POLA1: variants seen among roughly 807,000 people sequenced by gnomAD.
POLA1 encodes the protein DNA polymerase alpha catalytic subunit.
Under a neutral mutation model 124.0 loss-of-function variants are expected in POLA1, and 15 were observed. The observed-to-expected ratio is 0.12, with a 90% CI of 0.08 to 0.19. The LOEUF is 0.19. Among genes scored for constraint, POLA1 ranks in the 10% least tolerant of loss-of-function variants. The pLI is 1.00. For synonymous variants in POLA1, 408 were observed against 389.4 expected (o/e 1.05, Z -0.56); for missense variants, 886 against 1,103.4 (o/e 0.80, Z 2.79).
At chrX:24,711,190 C>T (rs781155854) in intron 4 of POLA1, among the ~76,000 whole-genome samples, 3 of 111,553 alleles carry the variant, frequency 2.7e-5, no homozygotes, top group African/African-American at 6.5e-5. Flanking sequence ...CGCCATGTTG[C>T]CCAGGCTGGT....
chrX:24,793,349 T>G (rs1464786132), intron 26 of POLA1, among the ~76,000 whole-genome samples: 3 of 107,762 alleles, frequency 2.8e-5, no homozygotes, highest in African/African-American at 1.0e-4. Flanking sequence ...GAGTCTACTT[T>G]CAGGAGGATG....
At chrX:24,953,599 G>A (rs761206226) in intron 36 of POLA1, among the ~76,000 whole-genome samples, 1 of 111,868 alleles carries the variant, frequency 8.9e-6, no homozygotes, top group East Asian at 2.8e-4. Context: ...CAGTTAGGAG[G>A]CAGGTGTGGC....
intron 35 of POLA1, among the ~76,000 whole-genome samples, chrX:24,911,529 C>G (rs775067619): frequency 2.7e-5 from 3 of 109,414 alleles, no homozygotes; most frequent in Admixed American, 9.9e-5. Context: ...AAGTAAATAC[C>G]CTGAGTTTGC....
rs139128484 is a variant in POLA1, at chrX:24,818,554, G to A, written c.3430-2898G>A. Among the ~76,000 whole-genome samples, 31 of 111,323 alleles carry A rather than the reference G, an allele frequency of 2.8e-4. No homozygotes were observed. In the East Asian group the frequency reaches 7.6e-3, roughly 27 times the overall value. On this transcript the variant is annotated intron_variant, in intron 30 of 36. Transcript: ENST00000379068. ...GGACCTGCTTTATTCTTCTACATCA[G>A]TTCTCAGATTTCTTGGTCTTAGGAC...
At chrX:24,715,817 C>CTGTGG (rs1444105394) in intron 6 of POLA1, among the ~76,000 whole-genome samples, 2 of 111,055 alleles carry the variant, frequency 1.8e-5, no homozygotes, top group African/African-American at 6.6e-5. Context: ...TGTTCAGTTG[C>CTGTGG]TGTGGTGTAT....
At chrX:24,977,493 AGTGCATG>A (rs1345285979) in intron 36 of POLA1, among the ~76,000 whole-genome samples, 1 of 111,086 alleles carries the variant, frequency 9.0e-6, no homozygotes, top group Non-Finnish European at 1.9e-5. Flanking sequence ...CTTTGCACCC[AGTGCATG>A]GGCACATTCA....
chrX:24,901,573 A>G (rs1000364522), intron 35 of POLA1, among the ~76,000 whole-genome samples: 6 of 111,614 alleles, frequency 5.4e-5, no homozygotes, highest in Admixed American at 2.9e-4. Context: ...CAGGAATTCC[A>G]TGTGGAAGAG....
intron 1 of POLA1, among the ~76,000 whole-genome samples, chrX:24,696,665 T>TG (rs1206592952): frequency 3.6e-5 from 4 of 111,509 alleles, no homozygotes; most frequent in Admixed American, 2.9e-4. Flanking sequence ...TTATAAGGGA[T>TG]GGGGGCCGGA....
chrX:24,967,290 A>G (rs749649491), intron 36 of POLA1, among the ~76,000 whole-genome samples: 7 of 110,580 alleles, frequency 6.3e-5, no homozygotes, highest in South Asian at 3.9e-4. Context: ...AACAATAGAG[A>G]AATATACAGA....
chrX:24,847,020 G>A (rs2046485937), intron 34 of POLA1, among the ~76,000 whole-genome samples: 2 of 111,965 alleles, frequency 1.8e-5, no homozygotes, highest in Admixed American at 9.5e-5. Flanking sequence ...CCATAGAACT[G>A]GTAATTAATT....
At chrX:24,873,145 A>G (rs1239534649) in intron 34 of POLA1, among the ~76,000 whole-genome samples, 1 of 111,753 alleles carries the variant, frequency 8.9e-6, no homozygotes, top group East Asian at 2.8e-4. Flanking sequence ...ACAGTATCCT[A>G]CAGAGTGCTT....
chrX:24,898,921 T>C (rs748745676), intron 35 of POLA1, among the ~76,000 whole-genome samples: 1 of 111,790 alleles, frequency 8.9e-6, no homozygotes, highest in Non-Finnish European at 1.9e-5. Context: ...TGTCATCTGG[T>C]ACCCATGGGA....
chrX:24,832,487 A>G (rs975460578), intron 32 of POLA1, among the ~76,000 whole-genome samples: 11 of 112,293 alleles, frequency 9.8e-5, no homozygotes, highest in Non-Finnish European at 1.9e-4. Context: ...CATGTTTAGA[A>G]TAATTGCTTT....
At chrX:24,854,346 G>A (rs780622194) in intron 34 of POLA1, among the ~76,000 whole-genome samples, 5 of 111,462 alleles carry the variant, frequency 4.5e-5, no homozygotes, top group East Asian at 2.8e-4. Context: ...CACCGCGCCC[G>A]GCCACGGGGG....
At chrX:24,949,730 C>CT (rs202171051) in intron 36 of POLA1, among the ~76,000 whole-genome samples, 25 of 100,864 alleles carry the variant, frequency 2.5e-4, no homozygotes, top group South Asian at 4.5e-4. Context: ...CTTTTTTTCT[C>CT]TTTTTTTTTC....
intron 32 of POLA1, among the ~76,000 whole-genome samples, chrX:24,830,654 C>A (rs765357839): frequency 8.9e-6 from 1 of 111,790 alleles, no homozygotes; most frequent in East Asian, 2.8e-4. Context: ...GTTCTCTAGA[C>A]TATAGATTTT....
At chrX:24,806,999 T>G (rs2045812386) in intron 26 of POLA1, among the ~76,000 whole-genome samples, 1 of 112,057 alleles carries the variant, frequency 8.9e-6, no homozygotes, top group South Asian at 3.7e-4. Context: ...GTTTACCATT[T>G]CTGCAAAAAA....
chrX:24,786,829 A>G (rs1190077305), intron 26 of POLA1, among the ~76,000 whole-genome samples: 3 of 107,878 alleles, frequency 2.8e-5, no homozygotes, highest in Admixed American at 2.0e-4. Flanking sequence ...CTGGGACTAC[A>G]GGCATAGGCG....
chrX:24,794,217 G>T, intron 26 of POLA1, among the ~76,000 whole-genome samples: 1 of 111,771 alleles, frequency 8.9e-6, no homozygotes, highest in Middle Eastern at 4.6e-3. Flanking sequence ...GACCTCAAGT[G>T]ATTCGCCCAC....
Sources: allele counts gnomAD v4.1 joint callset (sites outside exome capture counted in the v4.1 genomes callset), GRCh38; gene constraint gnomAD v4.1.1; transcripts MANE v1.5; gene names NCBI Gene and HGNC (gene_info 2026-07-23, HGNC 2026-07-21).